Variants in PARD3 observed in about 807,000 individuals in gnomAD.
PARD3 encodes the protein par-3 family cell polarity regulator, also known as partitioning defective 3 homolog.
Under a neutral mutation model 155.4 loss-of-function variants are expected in PARD3, and 75 were observed. That is an observed-to-expected ratio of 0.48 (90% CI 0.40 to 0.58). PARD3 has a LOEUF of 0.58. PARD3 is among the 20% of genes least tolerant of loss of function. The pLI is 0.00. For missense variants in PARD3, 1,642 were observed against 1,721.7 expected (o/e 0.95, Z 0.82); for synonymous variants, 576 against 610.5 (o/e 0.94, Z 0.83).
chr10:34,288,801 A>G (rs891594116), intron 20 of PARD3, among the ~76,000 whole-genome samples: 2 of 152,222 alleles, frequency 1.3e-5, no homozygotes, highest in South Asian at 4.1e-4. Flanking sequence ...ACCCATTCTC[A>G]GCACAGAATC....
At chr10:34,412,729 G>A (rs1461985189) in intron 5 of PARD3, among the ~76,000 whole-genome samples, 5 of 152,024 alleles carry the variant, frequency 3.3e-5, no homozygotes, top group South Asian at 2.1e-4. Context: ...CTTCCCTTGC[G>A]ATATAATTAA....
At chr10:34,535,048 C>T (rs1026235418) in intron 2 of PARD3, among the ~76,000 whole-genome samples, 2 of 152,088 alleles carry the variant, frequency 1.3e-5, no homozygotes, top group South Asian at 4.2e-4. Flanking sequence ...ATTTTGCAGA[C>T]AAATTGTAGT....
chr10:34,205,836 C>T (rs1336643689), intron 22 of PARD3, among the ~76,000 whole-genome samples: 1 of 152,180 alleles, frequency 6.6e-6, no homozygotes, highest in African/African-American at 2.4e-5. Flanking sequence ...TAGTTGGCGG[C>T]AGGCAGACCA....
chr10:34,471,690 A>C (rs2078354474), intron 3 of PARD3, among the ~76,000 whole-genome samples: 1 of 152,104 alleles, frequency 6.6e-6, no homozygotes, highest in African/African-American at 2.4e-5. Context: ...GAGTAGCTAC[A>C]GGCTACTACA....
chr10:34,594,097 T>C (rs559931634), intron 2 of PARD3, among the ~76,000 whole-genome samples: 40 of 152,316 alleles, frequency 2.6e-4, no homozygotes, highest in African/African-American at 7.2e-4. Context: ...ACTCAGACTA[T>C]AGCTTCTTTT....
chr10:34,139,975 T>C (rs1564425309), intron 22 of PARD3, among the ~76,000 whole-genome samples: 1 of 152,224 alleles, frequency 6.6e-6, no homozygotes, highest in African/African-American at 2.4e-5. Flanking sequence ...GCCTGATCTC[T>C]AGATAAATAG....
At chr10:34,343,570 A>C (rs1356409266) in intron 15 of PARD3, 2 of 985,248 alleles carry the variant, frequency 2.0e-6, no homozygotes, top group Non-Finnish European at 2.4e-6. Context: ...CATATTTTCC[A>C]CTTCTTAACA....
intron 2 of PARD3, among the ~76,000 whole-genome samples, chr10:34,519,947 G>C (rs1473033880): frequency 6.6e-6 from 1 of 151,706 alleles, no homozygotes; most frequent in Non-Finnish European, 1.5e-5. Flanking sequence ...TGCCACCTTG[G>C]AGCTTCACCC....
At chr10:34,143,721 T>C (rs1394906987) in intron 22 of PARD3, among the ~76,000 whole-genome samples, 2 of 152,200 alleles carry the variant, frequency 1.3e-5, no homozygotes, top group Non-Finnish European at 2.9e-5. Flanking sequence ...ACAAGAGATA[T>C]ATCACCTGTA....
chr10:34,566,083 A>C (rs1359803162), intron 2 of PARD3, among the ~76,000 whole-genome samples: 1 of 152,220 alleles, frequency 6.6e-6, no homozygotes, highest in Non-Finnish European at 1.5e-5. Flanking sequence ...GAGCTGAGTC[A>C]ACAATGTTTT....
intron 22 of PARD3, among the ~76,000 whole-genome samples, chr10:34,238,235 A>C (rs1412405039): frequency 1.3e-5 from 2 of 152,186 alleles, no homozygotes; most frequent in Non-Finnish European, 2.9e-5. Flanking sequence ...TTCTAATCAA[A>C]GCTGATGATA....
In PARD3 at chr10:34,341,735, G is replaced by A. The variant is rs765989555; in HGVS notation, c.2300C>T (p.Pro767Leu). Residue 767 changes from proline (P) to leucine (L), a missense_variant, in exon 16 of 25, where the codon CCT becomes CTT. This residue lies in a region of PARD3 where 1,529 missense variants were observed against 1,587.3 expected (regional missense o/e 0.96). Coordinates refer to ENST00000374788, the MANE Select transcript of PARD3 (RefSeq NM_001184785.2). ...IIEDDRLPVL[P>L]PHLSDQSSSS... Reference sequence around the variant, plus strand: ...AGAGGACTGGTCAGAGAGATGTGGAGGAAGCACTGGCAACCTGTCATCTTC... The same window carrying A: ...AGAGGACTGGTCAGAGAGATGTGGAAGAAGCACTGGCAACCTGTCATCTTC... 5.0e-6 allele frequency: 8 copies of A among 1,613,708 alleles called. No individual in the cohort carries two copies. The South Asian group carries it at 7.7e-5, about 16-fold the overall frequency.
intron 2 of PARD3, among the ~76,000 whole-genome samples, chr10:34,642,111 C>T (rs1471188680): frequency 6.6e-6 from 1 of 151,926 alleles, no homozygotes; most frequent in Admixed American, 6.5e-5. Context: ...GGCCCCTGTC[C>T]ACCCTGGGCC....
At chr10:34,706,227 G>C (rs1056184025) in intron 1 of PARD3, among the ~76,000 whole-genome samples, 4 of 152,188 alleles carry the variant, frequency 2.6e-5, no homozygotes, top group Non-Finnish European at 5.9e-5. Context: ...CCTATTTTCA[G>C]AGGAGAGAAC....
At chr10:34,211,601 G>A (rs1951754888) in intron 22 of PARD3, among the ~76,000 whole-genome samples, 1 of 152,110 alleles carries the variant, frequency 6.6e-6, no homozygotes. Flanking sequence ...GGCCAACATG[G>A]TGAAACCTCG....
intron 5 of PARD3, among the ~76,000 whole-genome samples, chr10:34,436,180 A>G (rs1432356983): frequency 1.3e-5 from 2 of 152,222 alleles, no homozygotes; most frequent in Non-Finnish European, 2.9e-5. Flanking sequence ...AGCAAATGCT[A>G]AAGAATTGAA....
intron 2 of PARD3, among the ~76,000 whole-genome samples, chr10:34,668,443 T>G (rs1189554668): frequency 6.6e-6 from 1 of 152,178 alleles, no homozygotes; most frequent in African/African-American, 2.4e-5. Context: ...TAGGAGTCAG[T>G]CATCTATCAC....
At chr10:34,803,493 A>T (rs1276959234) in intron 1 of PARD3, among the ~76,000 whole-genome samples, 1 of 152,188 alleles carries the variant, frequency 6.6e-6, no homozygotes, top group Non-Finnish European at 1.5e-5. Flanking sequence ...ACTCCACCAT[A>T]GAAAGTTCAG....
At chr10:34,325,918 C>A (rs1462144468) in intron 19 of PARD3, among the ~76,000 whole-genome samples, 1 of 152,156 alleles carries the variant, frequency 6.6e-6, no homozygotes, top group East Asian at 1.9e-4. Flanking sequence ...GTCAGGAGTT[C>A]AAGACCAGCC....
Sources: gnomAD v4.1 joint callset for allele counts (sites outside exome capture counted in the v4.1 genomes callset) on GRCh38, gnomAD v4.1.1 for gene constraint, gnomAD v4.1.1 regional missense constraint, MANE v1.5 for transcripts, NCBI Gene and HGNC (gene_info 2026-07-23, HGNC 2026-07-21) for gene names.